FAM217B: variants seen among roughly 807,000 people sequenced by gnomAD.
The protein encoded by FAM217B is protein FAM217B.
For missense variants in FAM217B, 463 were observed against 456.9 expected (o/e 1.01, Z -0.12); for synonymous variants, 163 against 173.0 (o/e 0.94, Z 0.45).
At chr20:59,943,893 C>A in intron 3 of FAM217B, 47 bp from the exon 4 acceptor site, 2 of 1,450,244 alleles carry the variant, frequency 1.4e-6, no homozygotes, top group Non-Finnish European at 1.9e-6. Context: ...ATAGCCAGAC[C>A]ATTTTTTGTC....
Position 59,944,209 on chromosome 20 carries a change from C to T in FAM217B, c.266C>T (p.Ala89Val). 1 of 1,614,176 alleles carries T rather than the reference C, an allele frequency of 6.2e-7. No individual in the cohort carries two copies. Among genetic ancestry groups the T allele is most frequent in the Non-Finnish European group, 8.5e-7 (1 of 1,180,026 alleles). Residue 89 changes from alanine (A) to valine (V), a missense_variant, in exon 4 of 4, where the codon GCT becomes GTT. Coordinates refer to ENST00000360816, the MANE Select transcript of FAM217B (RefSeq NM_022106.3). ...TCAATGAAAATTATTAAAGAGAATG[C>T]TGATGAGGACAGTGCAAGTGATCTC... Reference protein sequence around the residue: ...FQSMKIIKENADEDSASDLSD... With the variant: ...FQSMKIIKENVDEDSASDLSD...
Position 59,944,680 on chromosome 20 carries a change from C to A in FAM217B, c.737C>A (p.Pro246His). 5.0e-6 allele frequency: 8 copies of A among 1,614,178 alleles called. No individual in the cohort carries two copies. Among genetic ancestry groups the A allele is most frequent in the Non-Finnish European group, 6.8e-6 (8 of 1,180,034 alleles). Residue 246 changes from proline to histidine, a missense_variant, in exon 4 of 4, where the codon CCT becomes CAT. Coordinates refer to ENST00000360816, the MANE Select transcript of FAM217B (RefSeq NM_022106.3). Reference sequence around the variant, plus strand: ...CAGGAAGGGGCTTCAAAGTCAGGCCCTTCCCGAAAGAAAGCTTTTCACCAT... The same window carrying A: ...CAGGAAGGGGCTTCAAAGTCAGGCCATTCCCGAAAGAAAGCTTTTCACCAT... Reference protein sequence around the residue: ...PHQEGASKSGPSRKKAFHHEE... With the variant: ...PHQEGASKSGHSRKKAFHHEE...
chr20:59,948,094 T>G lies in FAM217B; in HGVS notation c.*2999T>G, dbSNP rs2060948065. On this transcript the variant is annotated 3_prime_UTR_variant, in exon 4 of 4. Coordinates refer to ENST00000360816, the MANE Select transcript of FAM217B (RefSeq NM_022106.3). ...AAAATATTTTAGGCTTAGAATTATC[T>G]AATGGAAAAAATGTAAAAAAGTACA... is the stretch of plus-strand genomic sequence containing the variant. 6.2e-6 allele frequency: 1 copy of G among 162,424 alleles called. No homozygotes were observed. Among genetic ancestry groups the G allele is most frequent in the Admixed American group, 6.6e-5 (1 of 15,060 alleles). The allele number at this position is 162,424 out of a possible 1,614,324, so 10.1% of individuals were successfully genotyped here.
chr20:59,940,343 C>A (rs945052755), upstream of FAM217B: 1 of 157,092 alleles, frequency 6.4e-6, no homozygotes. Flanking sequence ...CGAGCCTCCG[C>A]CCCGCCCCTC....
chr20:59,939,467 C>T, upstream of FAM217B: 1 of 1,612,030 alleles, frequency 6.2e-7, no homozygotes. Flanking sequence ...AATCGGGCAC[C>T]AGGCAATGCA....
chr20:59,943,355 T>G (rs1425157747), intron 3 of FAM217B, among the ~76,000 whole-genome samples: 1 of 152,220 alleles, frequency 6.6e-6, no homozygotes, highest in Non-Finnish European at 1.5e-5. Flanking sequence ...TGTTTTCTGT[T>G]TGAAAACATT....
chr20:59,939,945 G>A (rs1331096370), upstream of FAM217B: 2 of 1,262,118 alleles, frequency 1.6e-6, no homozygotes, highest in Non-Finnish European at 2.0e-6. Flanking sequence ...CCCGCCGGCC[G>A]TCGGAAGATG....
chr20:59,936,981 G>A (rs1487348544), upstream of FAM217B: 1 of 152,600 alleles, frequency 6.6e-6, no homozygotes, highest in Non-Finnish European at 1.5e-5. Flanking sequence ...GGGTCTGAAA[G>A]TTCTCCTTCA....
intron 1 of FAM217B, among the ~76,000 whole-genome samples, chr20:59,940,976 C>T (rs1473658239): frequency 1.3e-5 from 2 of 152,212 alleles, no homozygotes; most frequent in Non-Finnish European, 2.9e-5. Context: ...CCTTAATCAG[C>T]CTCTGGCGCT....
rs1052168276 is a variant in FAM217B at position 59,946,049 on chromosome 20, C to T, written c.*954C>T. 5.4e-5 allele frequency: 9 copies of T among 167,052 alleles called. No individual in the cohort carries two copies. Among genetic ancestry groups the T allele is most frequent in the African/African-American group, 1.9e-4 (8 of 41,432 alleles). 10.3% of individuals were successfully genotyped at this position (167,052 alleles called of 1,614,324 possible). A position where few individuals can be genotyped will look rare whatever the true frequency, so the allele number is the denominator to read the frequency against. On this transcript the variant is annotated 3_prime_UTR_variant, in exon 4 of 4. Transcript: ENST00000360816. Reference sequence around the variant, plus strand: ...CAAAGTTACTGATTTGGGTTCCACACCCTGTGGTCCTTAGTCAAAAATAAT... The same window carrying T: ...CAAAGTTACTGATTTGGGTTCCACATCCTGTGGTCCTTAGTCAAAAATAAT...
In FAM217B at chr20:59,944,272, T is replaced by C. The variant is rs761648186; in HGVS notation, c.329T>C (p.Leu110Pro). ...AGAATTCCCATTCCTCCTTCTCCCC[T>C]CACACCTCCAGATCTCAATCTTCGA... Reference protein sequence around the residue: ...SERIPIPPSPLTPPDLNLRAE... With the variant: ...SERIPIPPSPPTPPDLNLRAE... Residue 110 changes from leucine (L) to proline (P), a missense_variant, in exon 4 of 4, where the codon CTC becomes CCC. Leu to Pro is a moderately conservative substitution (Grantham distance 98). Coordinates refer to ENST00000360816, the MANE Select transcript of FAM217B (RefSeq NM_022106.3). The C allele has an allele frequency of 9.9e-6, 16 of 1,614,014 alleles. No individual in the cohort carries two copies. The highest frequency in any genetic ancestry group is 2.7e-5 in the African/African-American group (2 of 74,884).
At chr20:59,939,864 C>A (rs2145947338), upstream of FAM217B, 2 of 1,246,346 alleles carry the variant, frequency 1.6e-6, no homozygotes, top group South Asian at 3.8e-5. Context: ...GCAGCTGAGG[C>A]TCCGGGGGCC....
chr20:59,938,801 T>A, upstream of FAM217B: 8 of 349,110 alleles, frequency 2.3e-5, no homozygotes, highest in East Asian at 4.6e-5. Context: ...CCCCAACTCA[T>A]TACACAACTC....
In FAM217B at chr20:59,946,062, A is replaced by G. The variant is rs1300083581; in HGVS notation, c.*967A>G. 1 of 167,126 alleles carries G rather than the reference A, an allele frequency of 6.0e-6. No homozygotes were observed. Among genetic ancestry groups the G allele is most frequent in the East Asian group, 1.9e-4 (1 of 5,202 alleles). The allele number at this position is 167,126 out of a possible 1,614,324, so 10.4% of individuals were successfully genotyped here. A position where few individuals can be genotyped will look rare whatever the true frequency, so the allele number is the denominator to read the frequency against. Reference sequence around the variant, plus strand: ...TTGGGTTCCACACCCTGTGGTCCTTAGTCAAAAATAATGATCTGTTTCAGT... The same window carrying G: ...TTGGGTTCCACACCCTGTGGTCCTTGGTCAAAAATAATGATCTGTTTCAGT... On this transcript the variant is annotated 3_prime_UTR_variant, in exon 4 of 4. Coordinates refer to ENST00000360816, the MANE Select transcript of FAM217B (RefSeq NM_022106.3).
At chr20:59,937,143 T>C (rs1391345484), upstream of FAM217B, 1 of 152,664 alleles carries the variant, frequency 6.6e-6, no homozygotes. Context: ...CAAGTGACTT[T>C]CACATAGATT....
At chr20:59,939,059 G>C (rs780157665), upstream of FAM217B, 7 of 1,552,362 alleles carry the variant, frequency 4.5e-6, no homozygotes, top group Non-Finnish European at 6.1e-6. Context: ...AGCTCTCTTC[G>C]CACTCCCCGC....
chr20:59,947,995 T>C lies in FAM217B; in HGVS notation c.*2900T>C, dbSNP rs2060946948. ...TCTCATTTCTGGGGAGTTGTTTACA[T>C]ATACCCTGCATTTAAACCAATTAAA... On this transcript the variant is annotated 3_prime_UTR_variant, in exon 4 of 4. Transcript: ENST00000360816. The C allele has an allele frequency of 6.3e-6, 1 of 159,962 alleles. No individual in the cohort carries two copies. Among genetic ancestry groups the C allele is most frequent in the Admixed American group, 7.0e-5 (1 of 14,376 alleles). The allele number at this position is 159,962 out of a possible 1,614,324, so 9.9% of individuals were successfully genotyped here.
chr20:59,938,700 T>A (rs2060876624), upstream of FAM217B: 1 of 232,394 alleles, frequency 4.3e-6, no homozygotes. Context: ...GCAAAAGCTT[T>A]TCCTAGCAGG....
In FAM217B at chr20:59,946,305, G is replaced by A. The variant is rs999510424; in HGVS notation, c.*1210G>A. On this transcript the variant is annotated 3_prime_UTR_variant, in exon 4 of 4. Coordinates refer to ENST00000360816, the MANE Select transcript of FAM217B (RefSeq NM_022106.3). The stretch of plus-strand genomic sequence containing the variant: ...ATATTTGCGCAGTGTATTTTAATAC[G>A]GCCCATGTCATTATAGTTGATTTTA... 1 of 166,814 alleles carries A rather than the reference G, an allele frequency of 6.0e-6. No homozygotes were observed. Among genetic ancestry groups the A allele is most frequent in the Non-Finnish European group, 1.5e-5 (1 of 68,094 alleles). The allele number at this position is 166,814 out of a possible 1,614,324, so 10.3% of individuals were successfully genotyped here. A position where few individuals can be genotyped will look rare whatever the true frequency, so the allele number is the denominator to read the frequency against.
Sources: gnomAD v4.1 joint callset for allele counts (sites outside exome capture counted in the v4.1 genomes callset) on GRCh38, gnomAD v4.1.1 for gene constraint, MANE v1.5 for transcripts, NCBI Gene and HGNC (gene_info 2026-07-23, HGNC 2026-07-21) for gene names.